Variants in CNNM2 observed in about 807,000 individuals in gnomAD.
CNNM2 encodes cyclin and CBS domain divalent metal cation transport mediator 2, also known as metal transporter CNNM2.
In CNNM2, 12 loss-of-function variants were observed where a neutral mutation model predicts 66.9. The observed-to-expected ratio is 0.18, with a 90% CI of 0.11 to 0.29. The LOEUF is 0.29. Ranked by LOEUF, CNNM2 falls within the 10% of genes least tolerant of loss-of-function variation. The probability of loss-of-function intolerance (pLI) is 1.00; values close to 1 mark genes in which losing one functional copy is unlikely to be tolerated. For missense variants in CNNM2, 705 were observed against 1,167.7 expected (o/e 0.60, Z 5.77); for synonymous variants, 557 against 501.8 (o/e 1.11, Z -1.47).
chr10:102,957,447 G>A (rs1477609473), intron 1 of CNNM2, among the ~76,000 whole-genome samples: 2 of 152,202 alleles, frequency 1.3e-5, no homozygotes, highest in Non-Finnish European at 2.9e-5. Flanking sequence ...AACGTAAATT[G>A]GTTTAGAAGG....
intron 5 of CNNM2, among the ~76,000 whole-genome samples, chr10:103,070,254 C>T (rs540095602): frequency 2.5e-4 from 38 of 152,288 alleles, no homozygotes; most frequent in African/African-American, 8.7e-4. Flanking sequence ...CAGGGTAGCT[C>T]TTACCTAGGC....
intron 1 of CNNM2, among the ~76,000 whole-genome samples, chr10:103,043,940 C>T (rs923097171): frequency 3.3e-5 from 5 of 152,192 alleles, no homozygotes; most frequent in African/African-American, 1.2e-4. Flanking sequence ...ACAGTTCAAA[C>T]TGCCTGGTGT....
At chr10:103,046,733 T>C (rs927035101) in intron 1 of CNNM2, among the ~76,000 whole-genome samples, 2 of 152,248 alleles carry the variant, frequency 1.3e-5, no homozygotes, top group Non-Finnish European at 2.9e-5. Flanking sequence ...CTGGGTTCAG[T>C]CTTGTGCATT....
intron 6 of CNNM2, among the ~76,000 whole-genome samples, chr10:103,074,255 T>G (rs2065651578): frequency 6.6e-6 from 1 of 152,102 alleles, no homozygotes; most frequent in Non-Finnish European, 1.5e-5. Context: ...ACCACTGCAT[T>G]CCAGCCTGGG....
chr10:103,076,366 T>G, intron 7 of CNNM2, 96 bp downstream of exon 7: 2 of 1,248,232 alleles, frequency 1.6e-6, no homozygotes, highest in Non-Finnish European at 2.3e-6. Flanking sequence ...CTCAGAACTC[T>G]CCCTTTGTCA....
At chr10:102,956,311 C>T (rs1486573264) in intron 1 of CNNM2, among the ~76,000 whole-genome samples, 4 of 128,498 alleles carry the variant, frequency 3.1e-5, no homozygotes, top group African/African-American at 1.2e-4. Flanking sequence ...AAAAAAAAGT[C>T]AGGAAACAAC....
intron 1 of CNNM2, among the ~76,000 whole-genome samples, chr10:102,957,309 A>G (rs920679340): frequency 2.0e-5 from 3 of 152,144 alleles, no homozygotes; most frequent in Admixed American, 6.5e-5. Flanking sequence ...CCGTCTCAAA[A>G]AAATAATAAT....
intron 1 of CNNM2, among the ~76,000 whole-genome samples, chr10:103,033,894 A>G (rs60377987): frequency 3.3e-5 from 5 of 152,214 alleles, no homozygotes; most frequent in African/African-American, 1.2e-4. Flanking sequence ...AGTTGTTTGC[A>G]TCTTTTTTCT....
rs1406332878 is a variant in CNNM2, at chr10:103,082,654, G to A, written c.*5474G>A. 6.6e-6 allele frequency: 1 copy of A among 152,258 alleles called. No homozygotes were observed. The highest frequency in any genetic ancestry group is 1.5e-5 in the Non-Finnish European group (1 of 68,084). 9.4% of individuals were successfully genotyped at this position (152,258 alleles called of 1,614,324 possible). On this transcript the variant is annotated 3_prime_UTR_variant, in exon 8 of 8. Transcript: ENST00000369878. ...GGTTCTGCTGTCCTTTAAGGCGGGTGAGAGGGTAGTGTTGTTTTTTATAAA... is the reference window on the plus strand; with the variant it reads ...GGTTCTGCTGTCCTTTAAGGCGGGTAAGAGGGTAGTGTTGTTTTTTATAAA...
chr10:102,997,710 A>G (rs2064030226), intron 1 of CNNM2, among the ~76,000 whole-genome samples: 1 of 152,204 alleles, frequency 6.6e-6, no homozygotes, highest in Non-Finnish European at 1.5e-5. Context: ...GTCCCATATG[A>G]AGCTGTCCTT....
chr10:103,010,001 C>T (rs1295330493), intron 1 of CNNM2, among the ~76,000 whole-genome samples: 1 of 150,934 alleles, frequency 6.6e-6, no homozygotes, highest in African/African-American at 2.4e-5. Flanking sequence ...TTCACTAATA[C>T]AGATTATTTT....
Position 103,080,881 on chromosome 10 carries a change from A to G in CNNM2, c.*3701A>G, listed in dbSNP as rs2065751428. The G allele has an allele frequency of 6.6e-6, 1 of 152,248 alleles. No homozygotes were observed. The highest frequency in any genetic ancestry group is 2.1e-4 in the South Asian group (1 of 4,830). 9.4% of individuals were successfully genotyped at this position (152,248 alleles called of 1,614,324 possible). A position where few individuals can be genotyped will look rare whatever the true frequency, so the allele number is the denominator to read the frequency against. The stretch of plus-strand genomic sequence containing the variant: ...TCTTTGGGTTGAGGAGCAGACCTGT[A>G]TAGGCCCTGGCTGATCAAGTCTGTG... On this transcript the variant is annotated 3_prime_UTR_variant, in exon 8 of 8. Transcript: ENST00000369878.
chr10:103,048,308 C>A (rs578099224), intron 1 of CNNM2, among the ~76,000 whole-genome samples: 1 of 150,442 alleles, frequency 6.6e-6, no homozygotes, highest in African/African-American at 2.4e-5. Context: ...CTCCGCCTCC[C>A]AGATTCAAGT....
chr10:103,046,134 T>C (rs1284779980), intron 1 of CNNM2, among the ~76,000 whole-genome samples: 2 of 152,270 alleles, frequency 1.3e-5, no homozygotes, highest in Non-Finnish European at 2.9e-5. Flanking sequence ...TATCTCTGAT[T>C]TTCACAACAA....
chr10:102,931,100 G>T (rs1182159340), intron 1 of CNNM2, among the ~76,000 whole-genome samples: 1 of 152,150 alleles, frequency 6.6e-6, no homozygotes. Context: ...TGTTATTGGG[G>T]TGAGTTCTGA....
chr10:102,920,308 C>T (rs1040805123), intron 1 of CNNM2, among the ~76,000 whole-genome samples: 3 of 152,116 alleles, frequency 2.0e-5, no homozygotes, highest in African/African-American at 7.2e-5. Flanking sequence ...AAGCACAAGA[C>T]TGCCATCACT....
At chr10:103,010,103 G>T (rs2064312054) in intron 1 of CNNM2, among the ~76,000 whole-genome samples, 1 of 152,058 alleles carries the variant, frequency 6.6e-6, no homozygotes, top group Non-Finnish European at 1.5e-5. Flanking sequence ...CAAGTTGGGG[G>T]ATGTTTAATT....
At chr10:102,956,994 A>T (rs146985213) in intron 1 of CNNM2, among the ~76,000 whole-genome samples, 1 of 152,190 alleles carries the variant, frequency 6.6e-6, no homozygotes, top group South Asian at 2.1e-4. Context: ...AATAATAATA[A>T]TTTTTTTAAA....
At chr10:102,920,804 G>C (rs1845602599) in intron 1 of CNNM2, among the ~76,000 whole-genome samples, 1 of 152,114 alleles carries the variant, frequency 6.6e-6, no homozygotes, top group Admixed American at 6.5e-5. Context: ...AAGATTAGAG[G>C]TTAGCCAGCC....
Sources: gnomAD v4.1 joint callset for allele counts (sites outside exome capture counted in the v4.1 genomes callset) on GRCh38, gnomAD v4.1.1 for gene constraint, MANE v1.5 for transcripts, NCBI Gene and HGNC (gene_info 2026-07-23, HGNC 2026-07-21) for gene names.